The following ATP5MC2 variants were observed in gnomAD, a reference collection of about 807,000 sequenced individuals.
ATP5MC2 encodes the protein ATP synthase membrane subunit c locus 2.
A neutral mutation model predicts 13.5 loss-of-function variants in ATP5MC2; 11 were observed. That is an observed-to-expected ratio of 0.81 (90% CI 0.51 to 1.35). ATP5MC2 has a LOEUF of 1.35. Ranked by LOEUF, ATP5MC2 falls within the 40% of genes most tolerant of loss-of-function variation. The pLI, the probability that ATP5MC2 is intolerant of heterozygous loss-of-function variation, is 0.00. For synonymous variants in ATP5MC2, 64 were observed against 69.7 expected (o/e 0.92, Z 0.41); for missense variants, 132 against 175.0 (o/e 0.75, Z 1.39).
intron 2 of ATP5MC2, among the ~76,000 whole-genome samples, 181 bp downstream of exon 2, chr12:53,672,394 GT>G (rs1379306000): frequency 1.3e-5 from 2 of 151,936 alleles, no homozygotes; most frequent in South Asian, 2.1e-4. Context: ...ACTGGTTTTC[GT>G]TTTTTTAGTA....
At chr12:53,676,233 T>C (rs984305001), upstream of ATP5MC2, 2 of 1,595,998 alleles carry the variant, frequency 1.3e-6, no homozygotes, top group African/African-American at 1.4e-5. Context: ...ATCCGGCCGG[T>C]TGCTCCACCT....
At chr12:53,678,234 A>T (rs1945318234), upstream of ATP5MC2, among the ~76,000 whole-genome samples, 1 of 152,230 alleles carries the variant, frequency 6.6e-6, no homozygotes, top group Admixed American at 6.5e-5. Flanking sequence ...GAAGAATAAT[A>T]GTACTTATCA....
upstream of ATP5MC2, chr12:53,677,398 T>C (rs1478769480): frequency 1.3e-5 from 2 of 152,150 alleles, no homozygotes; most frequent in Admixed American, 6.5e-5. Context: ...ATTACAGGAA[T>C]GTAATTTTGC....
chr12:53,665,334 G>C lies in ATP5MC2; in HGVS notation c.406C>G (p.Leu136Val). 6.2e-7 allele frequency: 1 copy of C among 1,612,660 alleles called. No individual in the cohort carries two copies. The highest frequency in any genetic ancestry group is 8.5e-7 in the Non-Finnish European group (1 of 1,179,666). The change falls in exon 5 of 5, where the codon CTC (leucine) becomes GTC (valine). Residue 136 changes from leucine to valine, a missense_variant. Coordinates refer to ENST00000394349, the MANE Select transcript of ATP5MC2 (RefSeq NM_005176.7). Reference sequence around the variant, plus strand: ...CTCCTTCACATGGCAAAGAGGATGAGAAAGGCTACCATCAGACAAAAGAGC... The same window carrying C: ...CTCCTTCACATGGCAAAGAGGATGACAAAGGCTACCATCAGACAAAAGAGC... ...MGLFCLMVAF[L>V]ILFAM
intron 1 of ATP5MC2, among the ~76,000 whole-genome samples, chr12:53,675,350 C>A (rs1448937308): frequency 6.6e-6 from 1 of 152,218 alleles, no homozygotes; most frequent in Non-Finnish European, 1.5e-5. Context: ...GCTGCCTCAA[C>A]AGAAACCCTC....
upstream of ATP5MC2, chr12:53,676,499 G>A (rs1382670503): frequency 1.1e-5 from 3 of 281,724 alleles, no homozygotes; most frequent in Admixed American, 9.8e-5. Context: ...TGGGAGTCCT[G>A]CTTTCTGTCG....
intron 4 of ATP5MC2, 46 bp from the exon 5 acceptor site, chr12:53,665,474 A>G: frequency 2.1e-6 from 3 of 1,438,822 alleles, no homozygotes; most frequent in Non-Finnish European, 2.0e-6. Flanking sequence ...GTTCACACAA[A>G]GAAAAGGATA....
At chr12:53,671,705 C>T (rs1477507320) in intron 2 of ATP5MC2, among the ~76,000 whole-genome samples, 1 of 152,168 alleles carries the variant, frequency 6.6e-6, no homozygotes, top group South Asian at 2.1e-4. Context: ...AGATTCTCAT[C>T]TCTATTCTTC....
intron 4 of ATP5MC2, 68 bp downstream of exon 4, chr12:53,669,080 A>G: frequency 6.5e-7 from 1 of 1,533,718 alleles, no homozygotes; most frequent in African/African-American, 1.4e-5. Context: ...ATAGTTCTAG[A>G]CCCCCAAATA....
intron 4 of ATP5MC2, among the ~76,000 whole-genome samples, chr12:53,666,802 C>T (rs963557995): frequency 6.7e-6 from 1 of 148,566 alleles, no homozygotes; most frequent in East Asian, 2.0e-4. Context: ...AAAAATTAGC[C>T]GGGCGTGGTG....
chr12:53,679,379 C>T (rs1945329163), upstream of ATP5MC2, among the ~76,000 whole-genome samples: 1 of 151,962 alleles, frequency 6.6e-6, no homozygotes, highest in African/African-American at 2.4e-5. Flanking sequence ...GATGAGGATA[C>T]TTTATGATGT....
chr12:53,675,536 T>C (rs907450170), intron 1 of ATP5MC2, among the ~76,000 whole-genome samples: 14 of 152,184 alleles, frequency 9.2e-5, no homozygotes, highest in Admixed American at 3.9e-4. Context: ...ACTTCTACCA[T>C]GTTCAAGGTT....
At chr12:53,667,960 T>C (rs1368624491) in intron 4 of ATP5MC2, among the ~76,000 whole-genome samples, 484 of 33,080 alleles carry the variant, frequency 0.015, 15 homozygotes, top group African/African-American at 0.017. Context: ...CACACACATA[T>C]ATATATATAT....
chr12:53,672,716 G>T lies in ATP5MC2; in HGVS notation c.-31-71C>A. On this transcript the variant is annotated intron_variant, in intron 1 of 4. Coordinates refer to ENST00000394349, the MANE Select transcript of ATP5MC2 (RefSeq NM_005176.7). ...CTATATCCTTATTAGCAGAAAAGGG[G>T]CCCTAGAAAGCTTAACTGGCCCAGA... 3 of 1,399,546 alleles carry T rather than the reference G, an allele frequency of 2.1e-6. No individual in the cohort carries two copies. In the South Asian group the frequency reaches 3.8e-5, roughly 18 times the overall value. 86.7% of individuals were successfully genotyped at this position (1,399,546 alleles called of 1,614,324 possible).
upstream of ATP5MC2, among the ~76,000 whole-genome samples, chr12:53,678,091 G>C (rs573591064): frequency 2.6e-5 from 4 of 152,192 alleles, no homozygotes; most frequent in African/African-American, 9.6e-5. Context: ...TACAGCCTGC[G>C]ATGTTTAACA....
upstream of ATP5MC2, chr12:53,677,366 T>A (rs367553157): frequency 5.3e-5 from 8 of 152,196 alleles, no homozygotes. Context: ...CGGAGCAATT[T>A]CCCGGGACCC....
At chr12:53,668,396 C>T (rs917263581) in intron 4 of ATP5MC2, among the ~76,000 whole-genome samples, 14 of 151,690 alleles carry the variant, frequency 9.2e-5, no homozygotes, top group South Asian at 4.2e-4. Flanking sequence ...CTCCACCTCC[C>T]GGGTTCAAGC....
rs1394949392 is a variant in ATP5MC2 at position 53,676,044 on chromosome 12, A to G, written c.-32+9T>C. 6.2e-7 allele frequency: 1 copy of G among 1,613,162 alleles called. No individual in the cohort carries two copies. Among genetic ancestry groups the G allele is most frequent in the Non-Finnish European group, 8.5e-7 (1 of 1,179,728 alleles). On this transcript the variant is annotated intron_variant, in intron 1 of 4. Transcript: ENST00000394349. The stretch of plus-strand genomic sequence containing the variant: ...AGCGCACAGAGGGCTCTAGGTCCCA[A>G]GGCCTTACCTGCTCCCACTGCAGAG...
chr12:53,667,805 T>C (rs1944962177), intron 4 of ATP5MC2, among the ~76,000 whole-genome samples: 1 of 151,860 alleles, frequency 6.6e-6, no homozygotes. Flanking sequence ...ATAAAATTAT[T>C]TTTAGCTCAA....
Sources: gnomAD v4.1 joint callset for allele counts (sites outside exome capture counted in the v4.1 genomes callset) on GRCh38, gnomAD v4.1.1 for gene constraint, MANE v1.5 for transcripts, NCBI Gene and HGNC (gene_info 2026-07-23, HGNC 2026-07-21) for gene names.